The following CHTF18 variants were observed in gnomAD, a reference collection of about 807,000 sequenced individuals.
CHTF18 encodes the protein chromosome transmission fidelity factor 18.
Under a neutral mutation model 113.4 loss-of-function variants are expected in CHTF18, and 151 were observed. That is an observed-to-expected ratio of 1.33 (90% CI 1.17 to 1.52). The LOEUF is 1.52. Ranked by LOEUF, CHTF18 falls within the 40% of genes most tolerant of loss-of-function variation. The probability of loss-of-function intolerance (pLI) is 0.00; values close to 1 mark genes in which losing one functional copy is unlikely to be tolerated. For missense variants in CHTF18, 1,982 were observed against 1,381.6 expected, an observed-to-expected ratio of 1.43 and a Z score of -6.89; for synonymous variants, 916 against 598.8, an observed-to-expected ratio of 1.53 and a Z score of -7.74.
intron 7 of CHTF18, 174 bp downstream of exon 7, chr16:790,840 G>C: frequency 7.0e-7 from 1 of 1,431,528 alleles, no homozygotes; most frequent in South Asian, 1.5e-5. Context: ...TGTGCTACTG[G>C]TCCCCTGTGA....
At chr16:796,915 A>G (rs148177961) in intron 19 of CHTF18, 46 bp from the exon 20 acceptor site, 36,364 of 1,542,750 alleles carry the variant, frequency 0.024, 1,178 homozygotes, top group South Asian at 0.14. Flanking sequence ...CACCATCCCC[A>G]CTGTATCCCT....
intron 14 of CHTF18, 131 bp from the exon 15 acceptor site, chr16:793,923 C>T (rs2042268598): frequency 1.9e-6 from 2 of 1,035,728 alleles, no homozygotes; most frequent in Non-Finnish European, 2.8e-6. Context: ...CTGAGCGAGG[C>T]AGCAAGGGCC....
In CHTF18 at chr16:792,953, C is replaced by T. The variant is rs754952051; in HGVS notation, c.1573-13C>T. The T allele has an allele frequency of 4.5e-5, 70 of 1,551,792 alleles. 1 individual carries two copies. The South Asian group carries it at 5.2e-4, about 12-fold the overall frequency. ...GCATACCATCGGGCCCTCCAGCAGCCCTTCTCCACCAGGTCTCCCTGCGGC... is the reference window on the plus strand; with the variant it reads ...GCATACCATCGGGCCCTCCAGCAGCTCTTCTCCACCAGGTCTCCCTGCGGC... On this transcript the variant is annotated splice_polypyrimidine_tract_variant and intron_variant, in intron 12 of 21. Transcript: ENST00000262315.
chr16:792,418 T>C, intron 10 of CHTF18, 21 bp from the exon 11 acceptor site: 1 of 1,560,132 alleles, frequency 6.4e-7, no homozygotes, highest in East Asian at 2.4e-5. Flanking sequence ...GGACTCACCG[T>C]GTCCTCTGAC....
At chr16:788,900 G>T in intron 1 of CHTF18, 31 bp from the exon 2 acceptor site, 2 of 1,508,730 alleles carry the variant, frequency 1.3e-6, no homozygotes, top group South Asian at 2.5e-5. Context: ...GCTGTCTCGG[G>T]GCGGCCGCTG....
chr16:793,413 G>A, intron 14 of CHTF18, 139 bp downstream of exon 14: 2 of 1,146,406 alleles, frequency 1.7e-6, no homozygotes, highest in East Asian at 2.6e-5. Context: ...CAGCCTCCAG[G>A]GCCCTCCTCA....
intron 3 of CHTF18, 69 bp from the exon 4 acceptor site, chr16:789,478 C>G (rs2042106968): frequency 7.8e-6 from 12 of 1,543,344 alleles, no homozygotes; most frequent in South Asian, 1.2e-5. Context: ...TGAGAGCAGT[C>G]TCGGACACCC....
chr16:789,774 C>G, intron 4 of CHTF18, 59 bp downstream of exon 4: 1 of 1,487,010 alleles, frequency 6.7e-7, no homozygotes, highest in Non-Finnish European at 8.9e-7. Flanking sequence ...GGAAAGGGTC[C>G]TTGGAGCCCC....
rs1021859875 is a variant in CHTF18, at chr16:788,673, C to T, written c.-12C>T. 2 of 1,529,124 alleles carry T rather than the reference C, an allele frequency of 1.3e-6. No homozygotes were observed. Among genetic ancestry groups the T allele is most frequent in the South Asian group, 1.2e-5 (1 of 82,094 alleles). The allele number at this position is 1,529,124 out of a possible 1,614,324, so 94.7% of individuals were successfully genotyped here. On this transcript the variant is annotated 5_prime_UTR_variant, in exon 1 of 22. Coordinates refer to ENST00000262315, the MANE Select transcript of CHTF18 (RefSeq NM_022092.3). The stretch of plus-strand genomic sequence containing the variant: ...GGGAGGTTCGGAGCGGGAGCTCGGG[C>T]TCGCGGACGGTATGGAGGACTACGA...
Position 789,380 on chromosome 16 carries a change from G to A in CHTF18, c.437+20G>A. The A allele has an allele frequency of 6.4e-7, 1 of 1,566,074 alleles. No individual in the cohort carries two copies. Reference sequence around the variant, plus strand: ...CCACGGGTGTGTGGCTTGGACATGGGCGTCCCATCCCATCTGTCCAGTGGG... The same window carrying A: ...CCACGGGTGTGTGGCTTGGACATGGACGTCCCATCCCATCTGTCCAGTGGG... On this transcript the variant is annotated intron_variant, in intron 3 of 21. Transcript: ENST00000262315.
At chr16:796,164 T>C in intron 18 of CHTF18, 87 bp downstream of exon 18, 1 of 1,509,334 alleles carries the variant, frequency 6.6e-7, no homozygotes, top group African/African-American at 1.4e-5. Context: ...GCCAGGAGTC[T>C]GAAAGCACGG....
rs368936663 is a variant in CHTF18, at chr16:796,944, A to G, written c.2602-17A>G. 2.1e-5 allele frequency: 32 copies of G among 1,527,714 alleles called. No individual in the cohort carries two copies. Among genetic ancestry groups the G allele is most frequent in the Non-Finnish European group, 2.7e-5 (31 of 1,133,840 alleles). 94.6% of individuals were successfully genotyped at this position (1,527,714 alleles called of 1,614,324 possible). ...TATCCCTGTGTGGCCAGATCTCACAATGCCTGCTCCCTACAGGTGGATGGG... is the reference window on the plus strand; with the variant it reads ...TATCCCTGTGTGGCCAGATCTCACAGTGCCTGCTCCCTACAGGTGGATGGG... On this transcript the variant is annotated splice_polypyrimidine_tract_variant and intron_variant, in intron 19 of 21. Transcript: ENST00000262315.
intron 14 of CHTF18, among the ~76,000 whole-genome samples, 192 bp downstream of exon 14, chr16:793,466 C>T (rs2042257121): frequency 6.6e-6 from 1 of 152,266 alleles, no homozygotes; most frequent in South Asian, 2.1e-4. Flanking sequence ...CTTGGGGGGT[C>T]AGCTAGAGAA....
intron 8 of CHTF18, 51 bp from the exon 9 acceptor site, chr16:791,800 A>G (rs1453871782): frequency 1.3e-6 from 2 of 1,546,490 alleles, no homozygotes; most frequent in African/African-American, 1.4e-5. Context: ...CTAGGCCGGG[A>G]GCGTCCTGTA....
intron 12 of CHTF18, 62 bp from the exon 13 acceptor site, chr16:792,904 C>G: frequency 6.5e-7 from 1 of 1,533,326 alleles, no homozygotes; most frequent in Non-Finnish European, 8.8e-7. Context: ...CCCATGGAAC[C>G]CTGGTAACCC....
intron 1 of CHTF18, 43 bp from the exon 2 acceptor site, chr16:788,888 C>T (rs202157386): frequency 1.5e-4 from 222 of 1,507,968 alleles, no homozygotes; most frequent in Admixed American, 1.1e-3. Context: ...CTGGCGGGAT[C>T]TGCTGTCTCG....
chr16:795,057 C>T (rs946958716), intron 15 of CHTF18, 75 bp from the exon 16 acceptor site: 9 of 1,195,034 alleles, frequency 7.5e-6, no homozygotes, highest in African/African-American at 3.0e-5. Flanking sequence ...GGGTCTGTGG[C>T]GGGAGGTGGA....
chr16:792,940 G>A (rs1203640281), intron 12 of CHTF18, 26 bp from the exon 13 acceptor site: 7 of 1,547,058 alleles, frequency 4.5e-6, no homozygotes, highest in Non-Finnish European at 5.2e-6. Context: ...ATACCATCGG[G>A]CCCTCCAGCA....
rs199680337 is a variant in CHTF18, at chr16:790,270, G to A, written c.699+1G>A. On this transcript the variant is annotated splice_donor_variant, in intron 5 of 21. Coordinates refer to ENST00000262315, the MANE Select transcript of CHTF18 (RefSeq NM_022092.3). LOFTEE classifies it high-confidence loss of function. ...CCTGAAGAAGCAGGTCGACGGCGAG[G>A]TAGGGGCTGCGGGTTTGCTGGGGGG... The A allele has an allele frequency of 8.8e-5, 141 of 1,607,624 alleles. No individual in the cohort carries two copies. Among genetic ancestry groups the A allele is most frequent in the Non-Finnish European group, 1.1e-4 (135 of 1,178,068 alleles).
Sources: allele counts gnomAD v4.1 joint callset (sites outside exome capture counted in the v4.1 genomes callset), GRCh38; gene constraint gnomAD v4.1.1; transcripts MANE v1.5; gene names NCBI Gene and HGNC (gene_info 2026-07-23, HGNC 2026-07-21).